Variants in RASGRF2 observed in about 807,000 individuals in gnomAD.
RASGRF2 encodes the protein ras-specific guanine nucleotide-releasing factor 2.
Under a neutral mutation model 151.0 loss-of-function variants are expected in RASGRF2, and 76 were observed. That is an observed-to-expected ratio of 0.50 (90% CI 0.42 to 0.61). RASGRF2 has a LOEUF of 0.61. RASGRF2 is among the 20% of genes least tolerant of loss of function. The pLI is 0.00. For missense variants in RASGRF2, 1,148 were observed against 1,564.6 expected (o/e 0.73, Z 4.49); for synonymous variants, 504 against 566.5 (o/e 0.89, Z 1.57).
intron 1 of RASGRF2, among the ~76,000 whole-genome samples, chr5:81,037,120 C>G (rs1282236935): frequency 6.6e-6 from 1 of 152,144 alleles, no homozygotes; most frequent in Non-Finnish European, 1.5e-5. Flanking sequence ...GATTTATTCA[C>G]TATCATGAGA....
chr5:80,969,815 C>CTTCTTTT (rs1747867787), intron 1 of RASGRF2, among the ~76,000 whole-genome samples: 1 of 76,938 alleles, frequency 1.3e-5, no homozygotes, highest in Non-Finnish European at 2.2e-5. Flanking sequence ...ACTTCTTCTT[C>CTTCTTTT]TTTTTTTTTT....
chr5:81,166,551 A>G (rs544226568), intron 17 of RASGRF2, among the ~76,000 whole-genome samples: 12 of 152,276 alleles, frequency 7.9e-5, no homozygotes, highest in East Asian at 3.9e-4. Flanking sequence ...GATACCTAAG[A>G]TAAGCAAGAA....
chr5:81,083,038 A>G (rs1303433540), intron 7 of RASGRF2, among the ~76,000 whole-genome samples: 1 of 152,134 alleles, frequency 6.6e-6, no homozygotes, highest in East Asian at 1.9e-4. Flanking sequence ...CTTGGGGGAA[A>G]TTGCCTTTTC....
intron 1 of RASGRF2, among the ~76,000 whole-genome samples, chr5:81,031,156 C>T (rs1294021925): frequency 6.6e-6 from 1 of 152,172 alleles, no homozygotes; most frequent in Non-Finnish European, 1.5e-5. Context: ...AAAGCAACTC[C>T]TTAGAGACCT....
chr5:81,050,626 T>G (rs1750981420), intron 2 of RASGRF2, among the ~76,000 whole-genome samples: 1 of 152,118 alleles, frequency 6.6e-6, no homozygotes. Context: ...GAATGTCTCT[T>G]CCAGTCTGAC....
intron 2 of RASGRF2, among the ~76,000 whole-genome samples, chr5:81,061,839 A>G (rs1448164588): frequency 2.0e-5 from 3 of 151,576 alleles, no homozygotes; most frequent in Admixed American, 2.0e-4. Context: ...GGTGCATGCC[A>G]CCACACCCAG....
intron 2 of RASGRF2, among the ~76,000 whole-genome samples, chr5:81,046,693 C>A (rs936450922): frequency 7.2e-5 from 11 of 152,108 alleles, no homozygotes; most frequent in African/African-American, 2.7e-4. Context: ...GATATTTCTT[C>A]TTTGTTTTCT....
At chr5:81,025,257 A>G (rs1390539986) in intron 1 of RASGRF2, among the ~76,000 whole-genome samples, 2 of 152,148 alleles carry the variant, frequency 1.3e-5, no homozygotes, top group Non-Finnish European at 2.9e-5. Flanking sequence ...CCCAAAGGAA[A>G]CACTCCCTTT....
intron 15 of RASGRF2, among the ~76,000 whole-genome samples, chr5:81,121,876 G>A (rs1400905523): frequency 6.6e-6 from 1 of 152,166 alleles, no homozygotes; most frequent in Admixed American, 6.5e-5. Context: ...GACCATGGCC[G>A]TGCAACTTAG....
chr5:81,035,314 G>A (rs188094933), intron 1 of RASGRF2, among the ~76,000 whole-genome samples: 76 of 152,264 alleles, frequency 5.0e-4, no homozygotes, highest in African/African-American at 1.7e-3. Flanking sequence ...CCTTTGCAGG[G>A]ACATGGATGA....
At chr5:81,026,251 C>G (rs1242794024) in intron 1 of RASGRF2, among the ~76,000 whole-genome samples, 1 of 150,952 alleles carries the variant, frequency 6.6e-6, no homozygotes, top group Non-Finnish European at 1.5e-5. Context: ...TCTGTCTCCC[C>G]TTCTCTTTTT....
intron 19 of RASGRF2, among the ~76,000 whole-genome samples, chr5:81,204,930 C>T (rs1755472710): frequency 6.6e-6 from 1 of 152,160 alleles, no homozygotes; most frequent in South Asian, 2.1e-4. Context: ...TATTACCCAG[C>T]TTCATAAAAA....
chr5:81,208,057 T>C (rs147248183), intron 21 of RASGRF2, among the ~76,000 whole-genome samples: 2 of 152,354 alleles, frequency 1.3e-5, no homozygotes, highest in East Asian at 3.9e-4. Flanking sequence ...TTATTTCCCT[T>C]GTGTTGGTTC....
intron 23 of RASGRF2, among the ~76,000 whole-genome samples, chr5:81,215,088 C>T (rs1342337902): frequency 6.6e-6 from 1 of 151,946 alleles, no homozygotes; most frequent in East Asian, 1.9e-4. Context: ...GCTGTAATCC[C>T]CACATTTTGG....
rs1438085632 is a variant in RASGRF2, at chr5:81,113,590, G to T, written c.2140G>T (p.Val714Leu). The T allele has an allele frequency of 4.4e-6, 7 of 1,608,926 alleles. No homozygotes were observed. The highest frequency in any genetic ancestry group is 2.2e-5 in the East Asian group (1 of 44,858). Residue 714 changes from valine to leucine, a missense_variant, in exon 15 of 27, where the codon GTG becomes TTG. Val to Leu is a conservative substitution (Grantham distance 32). Around this residue, in one of 5 missense-constraint regions of RASGRF2, gnomAD observed 646 missense variants for 807.4 expected, o/e 0.80. Coordinates refer to ENST00000265080, the MANE Select transcript of RASGRF2 (RefSeq NM_006909.3). ...CCAGAACAACAGAGGTGAACATTTG[G>T]TGGATGGCAAATCCCCACGTCTGTG... The part of the protein sequence containing the change: ...TSQNNRGEHL[V>L]DGKSPRLCRK...
chr5:81,022,511 G>A (rs1371308838), intron 1 of RASGRF2, among the ~76,000 whole-genome samples: 1 of 152,196 alleles, frequency 6.6e-6, no homozygotes, highest in Non-Finnish European at 1.5e-5. Context: ...GAGCCCCTGA[G>A]GGAAGTGGCA....
At chr5:81,195,750 C>T (rs1755250947) in intron 18 of RASGRF2, among the ~76,000 whole-genome samples, 1 of 152,114 alleles carries the variant, frequency 6.6e-6, no homozygotes, top group Non-Finnish European at 1.5e-5. Context: ...CCTAGTGAGC[C>T]CTGTGCACAT....
chr5:81,011,604 G>C (rs1749461521), intron 1 of RASGRF2, among the ~76,000 whole-genome samples: 1 of 152,136 alleles, frequency 6.6e-6, no homozygotes, highest in African/African-American at 2.4e-5. Context: ...AGCCTGGCAT[G>C]GTGGCACATG....
chr5:81,204,229 C>CT (rs2112718998), intron 19 of RASGRF2: 2 of 152,346 alleles, frequency 1.3e-5, no homozygotes, highest in Non-Finnish European at 1.5e-5. Context: ...AGAAGCAAAT[C>CT]TTTTCTCTAT....
Sources: gnomAD v4.1 joint callset for allele counts (sites outside exome capture counted in the v4.1 genomes callset) on GRCh38, gnomAD v4.1.1 for gene constraint, gnomAD v4.1.1 regional missense constraint, MANE v1.5 for transcripts, NCBI Gene and HGNC (gene_info 2026-07-23, HGNC 2026-07-21) for gene names.